PIN4: variants seen among roughly 807,000 people sequenced by gnomAD.
PIN4 encodes the protein peptidyl-prolyl cis-trans isomerase NIMA-interacting 4.
PIN4 carries 3 observed loss-of-function variants against 8.3 expected under a neutral mutation model. That is an observed-to-expected ratio of 0.36 (90% CI 0.16 to 0.93). The LOEUF (loss-of-function observed/expected upper bound fraction) is 0.93, where lower values mean the gene tolerates loss of function less well. Ranked by LOEUF, PIN4 falls within the 40% of genes least tolerant of loss-of-function variation. PIN4 has a pLI of 0.44. For missense variants in PIN4, 75 were observed against 100.6 expected, an observed-to-expected ratio of 0.75 and a Z score of 1.09; for synonymous variants, 18 against 32.5, an observed-to-expected ratio of 0.55 and a Z score of 1.52.
chrX:72,235,342 T>G (rs149185077), intron 3 of PIN4, among the ~76,000 whole-genome samples: 1,376 of 109,363 alleles, frequency 0.013, 9 homozygotes, highest in Middle Eastern at 0.019. Flanking sequence ...GGTTGAATCC[T>G]TCTCACACTG....
intron 3 of PIN4, among the ~76,000 whole-genome samples, chrX:72,244,361 G>T (rs1175435372): frequency 8.9e-6 from 1 of 111,737 alleles, no homozygotes; most frequent in Non-Finnish European, 1.9e-5. Flanking sequence ...AGAGCTGAAG[G>T]GTAGGGAGGA....
intron 3 of PIN4, among the ~76,000 whole-genome samples, chrX:72,212,317 A>G (rs1218597832): frequency 1.8e-5 from 2 of 110,913 alleles, no homozygotes; most frequent in Non-Finnish European, 3.8e-5. Flanking sequence ...CCCCAAAGCT[A>G]TTTCCTCAGA....
intron 3 of PIN4, among the ~76,000 whole-genome samples, chrX:72,231,400 T>A (rs1353720131): frequency 9.0e-6 from 1 of 110,977 alleles, no homozygotes; most frequent in Non-Finnish European, 1.9e-5. Flanking sequence ...TACCAGAGGC[T>A]GGGGGGATAG....
In PIN4 at chrX:72,216,291, A is replaced by C. The variant is rs1346190246; in HGVS notation, c.312+19387A>C. Among the ~76,000 whole-genome samples the C allele has an allele frequency of 2.7e-5, 3 of 110,618 alleles. No homozygotes were observed. In the East Asian group the frequency reaches 8.5e-4, roughly 31 times the overall value. On this transcript the variant is annotated intron_variant, in intron 3 of 3. Coordinates refer to the PIN4 transcript ENST00000423432. ...CCAAAAAGCTCCTAGGATTGCCAGT[A>C]CCACCATAAACTAGGAGAGAGGCTT... is the stretch of plus-strand genomic sequence containing the variant.
At chrX:72,248,112 G>A (rs922092804) in intron 3 of PIN4, among the ~76,000 whole-genome samples, 4 of 109,578 alleles carry the variant, frequency 3.7e-5, no homozygotes, top group South Asian at 3.9e-4. Flanking sequence ...TGCCTTGCAC[G>A]AGGTCATGCA....
chrX:72,203,823 C>G lies in PIN4; in HGVS notation c.312+6919C>G, dbSNP rs185376411. Among the ~76,000 whole-genome samples, 5 of 111,750 alleles carry G rather than the reference C, an allele frequency of 4.5e-5. No individual in the cohort carries two copies. In the East Asian group the frequency reaches 1.4e-3, roughly 31 times the overall value. ...TGAGAAACCTGTGTGGAGTGCCCAA[C>G]ACATAGTACGTCATCAAGGATAGTC... On this transcript the variant is annotated intron_variant, in intron 3 of 3. Coordinates refer to the PIN4 transcript ENST00000423432.
chrX:72,229,920 C>T (rs1031112000), intron 3 of PIN4, among the ~76,000 whole-genome samples: 2 of 111,665 alleles, frequency 1.8e-5, no homozygotes, highest in Non-Finnish European at 3.8e-5. Flanking sequence ...TGGCCAGGCA[C>T]GGTGGCTCAC....
At chrX:72,255,705 A>G (rs1219930497) in intron 3 of PIN4, 2 of 111,307 alleles carry the variant, frequency 1.8e-5, no homozygotes, top group Non-Finnish European at 3.8e-5. Flanking sequence ...TACCACCCCC[A>G]GATAATAGCC....
rs1373543056 is a variant in PIN4 at position 72,197,474 on chromosome X, C to T, written c.344C>T (p.Pro115Leu). Reference sequence around the variant, plus strand: ...GATAAGCCTGTGTTTACAGACCCACCGGTTAAGACAAAATTTGGATATCAT... The same window carrying T: ...GATAAGCCTGTGTTTACAGACCCACTGGTTAAGACAAAATTTGGATATCAT... ...GMDKPVFTDP[P>L]VKTKFGYHII... The change falls in exon 4 of 4, where the codon CCG (proline) becomes CTG (leucine). Residue 115 changes from proline to leucine, a missense_variant. Pro to Leu is a moderately conservative substitution (Grantham distance 98, BLOSUM62 -3). Coordinates refer to ENST00000373669, the MANE Select transcript of PIN4 (RefSeq NM_006223.4). 8.3e-6 allele frequency: 10 copies of T among 1,204,297 alleles called. No homozygotes were observed. Among genetic ancestry groups the T allele is most frequent in the African/African-American group, 7.0e-5 (4 of 56,926 alleles).
intron 3 of PIN4, among the ~76,000 whole-genome samples, chrX:72,241,659 A>C (rs1403320630): frequency 9.0e-6 from 1 of 111,523 alleles, no homozygotes; most frequent in Non-Finnish European, 1.9e-5. Context: ...TCTACTAAAA[A>C]TGCAAAATTA....
intron 3 of PIN4, among the ~76,000 whole-genome samples, chrX:72,221,037 G>T (rs190496522): frequency 9.0e-6 from 1 of 111,373 alleles, no homozygotes; most frequent in East Asian, 2.8e-4. Flanking sequence ...TTTTTGGAGC[G>T]ATTTGCATGA....
chrX:72,259,241 G>A (rs1187758169), intron 3 of PIN4, among the ~76,000 whole-genome samples: 5 of 99,593 alleles, frequency 5.0e-5, no homozygotes, highest in African/African-American at 7.4e-5. Flanking sequence ...TTTTTGAGAC[G>A]GAGTTTCGCT....
intron 3 of PIN4, chrX:72,207,464 C>T (rs2042827184): frequency 1.7e-6 from 2 of 1,208,517 alleles, no homozygotes; most frequent in Admixed American, 2.2e-5. Flanking sequence ...CCCTCATTTC[C>T]ATCTTGAGCA....
At chrX:72,260,402 T>C (rs968010149) in intron 3 of PIN4, among the ~76,000 whole-genome samples, 2 of 112,675 alleles carry the variant, frequency 1.8e-5, no homozygotes, top group African/African-American at 6.4e-5. Flanking sequence ...AGCAGGCCCT[T>C]TGCAGACCCT....
intron 3 of PIN4, among the ~76,000 whole-genome samples, chrX:72,260,031 G>A (rs373529078): frequency 9.1e-6 from 1 of 109,642 alleles, no homozygotes; most frequent in African/African-American, 3.3e-5. Flanking sequence ...AAGCCACCGC[G>A]CCTGGCCCAG....
At chrX:72,213,002 A>G (rs1451401685) in intron 3 of PIN4, among the ~76,000 whole-genome samples, 1 of 112,339 alleles carries the variant, frequency 8.9e-6, no homozygotes, top group African/African-American at 3.2e-5. Flanking sequence ...TAACTCAATA[A>G]AACTTTGTTT....
Position 72,239,204 on chromosome X carries a change from C to T in PIN4, c.313-23503C>T, listed in dbSNP as rs781685171. Among the ~76,000 whole-genome samples, 5 of 113,291 alleles carry T rather than the reference C, an allele frequency of 4.4e-5. No individual in the cohort carries two copies. The South Asian group carries it at 1.8e-3, about 41-fold the overall frequency. On this transcript the variant is annotated intron_variant, in intron 3 of 3. Transcript: ENST00000423432. ...CTTCGAGACACGGAGTGTGCTGCCT[C>T]AGTCTGTGATCCCTCGCGTTTCAAT...
chrX:72,236,598 A>G (rs1309824277), intron 3 of PIN4, among the ~76,000 whole-genome samples: 1 of 111,939 alleles, frequency 8.9e-6, no homozygotes, highest in Admixed American at 9.5e-5. Context: ...CCAGCCTACA[A>G]AAATCTTTTA....
intron 3 of PIN4, among the ~76,000 whole-genome samples, chrX:72,245,363 T>A (rs1044080875): frequency 4.5e-5 from 5 of 110,124 alleles, no homozygotes; most frequent in Non-Finnish European, 5.7e-5. Flanking sequence ...AGAGACAGAG[T>A]CTTGCTATGT....
Sources: gnomAD v4.1 joint callset for allele counts (sites outside exome capture counted in the v4.1 genomes callset) on GRCh38, gnomAD v4.1.1 for gene constraint, MANE v1.5 for transcripts, NCBI Gene and HGNC (gene_info 2026-07-23, HGNC 2026-07-21) for gene names.